Variants in MKLN1 observed in about 807,000 individuals in gnomAD.
The protein encoded by MKLN1 is muskelin.
MKLN1 carries 18 observed loss-of-function variants against 99.0 expected under a neutral mutation model. The ratio of observed to expected loss-of-function variants is 0.18; its 90% confidence interval spans 0.13 to 0.27. The LOEUF is 0.27. Among genes scored for constraint, MKLN1 ranks in the 10% least tolerant of loss-of-function variants. MKLN1 has a pLI of 1.00. For synonymous variants in MKLN1, 288 were observed against 293.2 expected (o/e 0.98, Z 0.18); for missense variants, 621 against 875.9 (o/e 0.71, Z 3.67).
intron 2 of MKLN1, among the ~76,000 whole-genome samples, chr7:131,380,744 A>G (rs538334029): frequency 2.0e-4 from 30 of 152,326 alleles, no homozygotes; most frequent in African/African-American, 7.2e-4. Context: ...ACCTTATTTC[A>G]CTAAATGTTG....
intron 3 of MKLN1, among the ~76,000 whole-genome samples, chr7:131,302,119 T>C (rs929018637): frequency 6.6e-6 from 1 of 152,242 alleles, no homozygotes; most frequent in Non-Finnish European, 1.5e-5. Context: ...CCTGTGGCCT[T>C]ATGGAGATAA....
In MKLN1 at chr7:131,351,719, C is replaced by A. The variant is rs571269027; in HGVS notation, c.99-23705C>A. Among the ~76,000 whole-genome samples, 171 of 152,236 alleles carry A rather than the reference C, an allele frequency of 1.1e-3. 2 individuals are homozygous for A. In the South Asian group the frequency reaches 0.033, roughly 29 times the overall value. ...CCTCAAGCAATCCTCCCACATTGGC[C>A]TCCATCAGTTTTTTAGAAAGACCAC... On this transcript the variant is annotated intron_variant, in intron 1 of 17. Transcript: ENST00000352689.
chr7:131,209,295 G>A (rs1483625679), intron 3 of MKLN1, among the ~76,000 whole-genome samples: 1 of 152,210 alleles, frequency 6.6e-6, no homozygotes. Flanking sequence ...AAGCAAGGAA[G>A]TAATTTTCTG....
intron 10 of MKLN1, among the ~76,000 whole-genome samples, chr7:131,441,776 C>T (rs1406433376): frequency 1.3e-5 from 2 of 152,142 alleles, no homozygotes; most frequent in Non-Finnish European, 2.9e-5. Flanking sequence ...CTCTTTGTAG[C>T]CATACGAAGT....
At chr7:131,341,926 G>A (rs149860488) in intron 1 of MKLN1, among the ~76,000 whole-genome samples, 5 of 152,324 alleles carry the variant, frequency 3.3e-5, no homozygotes, top group Non-Finnish European at 7.3e-5. Flanking sequence ...GTTCCTTACA[G>A]GAACCAGTAC....
chr7:131,114,425 A>G (rs1453069503), intron 1 of MKLN1, among the ~76,000 whole-genome samples: 3 of 152,228 alleles, frequency 2.0e-5, no homozygotes, highest in African/African-American at 7.2e-5. Flanking sequence ...TCATCAGAAT[A>G]AGGAATAGTT....
intron 2 of MKLN1, among the ~76,000 whole-genome samples, chr7:131,378,012 C>T (rs1357311608): frequency 6.6e-6 from 1 of 151,936 alleles, no homozygotes; most frequent in Admixed American, 6.6e-5. Flanking sequence ...AACATTTTTG[C>T]CAGAAAAGAA....
intron 3 of MKLN1, among the ~76,000 whole-genome samples, chr7:131,251,611 T>C (rs1055805257): frequency 2.0e-5 from 3 of 152,116 alleles, no homozygotes; most frequent in Non-Finnish European, 2.9e-5. Context: ...GGAGGCAAAC[T>C]TTGCTCCAAA....
At chr7:131,336,409 AG>A (rs1799252434) in intron 1 of MKLN1, among the ~76,000 whole-genome samples, 1 of 152,094 alleles carries the variant, frequency 6.6e-6, no homozygotes, top group Admixed American at 6.5e-5. Flanking sequence ...AAATATATTT[AG>A]CTCATTAATG....
At chr7:131,464,581 A>G (rs1796607022) in intron 14 of MKLN1, among the ~76,000 whole-genome samples, 173 bp downstream of exon 14, 2 of 152,244 alleles carry the variant, frequency 1.3e-5, no homozygotes, top group South Asian at 4.1e-4. Flanking sequence ...TCCTTAAGAG[A>G]ATAAGCATTT....
chr7:131,456,829 C>G (rs1796355147), intron 12 of MKLN1, among the ~76,000 whole-genome samples: 1 of 151,952 alleles, frequency 6.6e-6, no homozygotes, highest in South Asian at 2.1e-4. Flanking sequence ...AAGGCCTGGC[C>G]TTTGAGTCCT....
chr7:131,246,453 T>C (rs2116505141), intron 3 of MKLN1, among the ~76,000 whole-genome samples: 1 of 152,306 alleles, frequency 6.6e-6, no homozygotes, highest in East Asian at 1.9e-4. Flanking sequence ...TAAACCCACA[T>C]TTTAGGCAGA....
At chr7:131,416,722 CTG>C (rs1795027154) in intron 8 of MKLN1, among the ~76,000 whole-genome samples, 1 of 151,912 alleles carries the variant, frequency 6.6e-6, no homozygotes, top group African/African-American at 2.4e-5. Context: ...TGTCTCGTGA[CTG>C]TAGTTGCAAC....
intron 1 of MKLN1, among the ~76,000 whole-genome samples, chr7:131,133,698 G>T (rs1300120466): frequency 2.0e-5 from 3 of 150,624 alleles, no homozygotes; most frequent in African/African-American, 4.9e-5. Context: ...ATGTTGACCA[G>T]GCTAGTCTCA....
chr7:131,439,650 A>G (rs1795774385), intron 10 of MKLN1, among the ~76,000 whole-genome samples: 1 of 152,208 alleles, frequency 6.6e-6, no homozygotes, highest in Admixed American at 6.5e-5. Flanking sequence ...TTAGGATTTA[A>G]CACAATGTTC....
intron 16 of MKLN1, among the ~76,000 whole-genome samples, chr7:131,477,068 A>T (rs570576304): frequency 6.6e-6 from 1 of 152,350 alleles, no homozygotes; most frequent in Non-Finnish European, 1.5e-5. Flanking sequence ...AAGATTGATT[A>T]CAGGTCTAAA....
At chr7:131,395,203 C>T (rs983970285) in intron 4 of MKLN1, among the ~76,000 whole-genome samples, 3 of 152,056 alleles carry the variant, frequency 2.0e-5, no homozygotes, top group Non-Finnish European at 4.4e-5. Flanking sequence ...ATACCCAAAT[C>T]TGAATAATCA....
chr7:131,347,249 T>G (rs1799589986), intron 1 of MKLN1, among the ~76,000 whole-genome samples: 1 of 152,232 alleles, frequency 6.6e-6, no homozygotes, highest in African/African-American at 2.4e-5. Context: ...AGTCATTAGT[T>G]TGAACAGCCT....
chr7:131,251,894 G>A (rs2116517030), intron 3 of MKLN1, among the ~76,000 whole-genome samples: 1 of 152,188 alleles, frequency 6.6e-6, no homozygotes, highest in East Asian at 1.9e-4. Flanking sequence ...TTCCAGGTTG[G>A]TCTTGAACTC....
Sources: allele counts gnomAD v4.1 joint callset (sites outside exome capture counted in the v4.1 genomes callset), GRCh38; gene constraint gnomAD v4.1.1; transcripts MANE v1.5; gene names NCBI Gene and HGNC (gene_info 2026-07-23, HGNC 2026-07-21).